UPRT: variants seen among roughly 807,000 people sequenced by gnomAD.
UPRT encodes uracil phosphoribosyltransferase homolog, also known as RP11-311P8.3.
UPRT carries 5 observed loss-of-function variants against 22.6 expected under a neutral mutation model. The ratio of observed to expected loss-of-function variants is 0.22; its 90% CI spans 0.12 to 0.47. The LOEUF (loss-of-function observed/expected upper bound fraction) is 0.47, where lower values mean the gene tolerates loss of function less well. UPRT is among the 20% of genes least tolerant of loss of function. The pLI, the probability that UPRT is intolerant of heterozygous loss-of-function variation, is 0.99. For missense variants in UPRT, 181 were observed against 239.9 expected, an observed-to-expected ratio of 0.75 and a Z score of 1.62; for synonymous variants, 77 against 87.7, an observed-to-expected ratio of 0.88 and a Z score of 0.68.
intron 4 of UPRT, among the ~76,000 whole-genome samples, chrX:75,225,236 G>A (rs942796669): frequency 9.1e-6 from 1 of 109,294 alleles, no homozygotes; most frequent in South Asian, 4.1e-4. Flanking sequence ...GAAGGCTGAT[G>A]TAGAAGGATT....
chrX:75,264,489 G>C (rs1483326041), intron 4 of UPRT, among the ~76,000 whole-genome samples: 1 of 111,150 alleles, frequency 9.0e-6, no homozygotes, highest in African/African-American at 3.3e-5. Context: ...GGCCTTCTTT[G>C]TCTCTTTTGA....
At chrX:75,194,960 T>TGATTG in intron 4 of UPRT, among the ~76,000 whole-genome samples, 1 of 109,824 alleles carries the variant, frequency 9.1e-6, no homozygotes, top group South Asian at 4.0e-4. Context: ...CTGATGGCAA[T>TGATTG]GGCAGCATGG....
At chrX:75,182,074 A>G (rs984848970) in intron 4 of UPRT, among the ~76,000 whole-genome samples, 57 of 112,105 alleles carry the variant, frequency 5.1e-4, no homozygotes, top group African/African-American at 1.8e-3. Flanking sequence ...GAATTTTATC[A>G]AAAAGGCTTT....
At chrX:75,213,535 G>C (rs576626695) in intron 4 of UPRT, among the ~76,000 whole-genome samples, 1 of 111,784 alleles carries the variant, frequency 8.9e-6, no homozygotes, top group African/African-American at 3.3e-5. Context: ...GACAGAAATT[G>C]TCAGAGGGAG....
intron 4 of UPRT, among the ~76,000 whole-genome samples, chrX:75,220,512 T>A (rs1376457020): frequency 9.0e-6 from 1 of 111,215 alleles, no homozygotes; most frequent in Non-Finnish European, 1.9e-5. Flanking sequence ...ATCCTTTTAG[T>A]GGGGGTGATT....
intron 4 of UPRT, among the ~76,000 whole-genome samples, chrX:75,259,645 G>A (rs1477803821): frequency 1.8e-5 from 2 of 111,034 alleles, no homozygotes; most frequent in Middle Eastern, 4.6e-3. Flanking sequence ...TGGTGTACCT[G>A]AAAGTGATGG....
intron 4 of UPRT, among the ~76,000 whole-genome samples, chrX:75,206,807 G>A (rs188786243): frequency 0.01 from 1,116 of 111,142 alleles, 14 homozygotes; most frequent in African/African-American, 0.034. Flanking sequence ...TGGGACTACA[G>A]GTGCCCACCA....
chrX:75,276,534 A>G (rs1209788893), intron 1 of UPRT, among the ~76,000 whole-genome samples: 1 of 111,524 alleles, frequency 9.0e-6, no homozygotes, highest in Non-Finnish European at 1.9e-5. Flanking sequence ...GGGGCAGCCA[A>G]AATAAATCTT....
Position 75,179,499 on chromosome X carries a change from C to T in UPRT, c.-447+11620C>T, listed in dbSNP as rs775411899. Among the ~76,000 whole-genome samples the T allele has an allele frequency of 3.6e-4, 41 of 113,564 alleles. No individual in the cohort carries two copies. The South Asian group carries it at 0.01, about 29-fold the overall frequency. On this transcript the variant is annotated intron_variant, in intron 4 of 13. Coordinates refer to the UPRT transcript ENST00000652605. ...GGCTGCAGGAGCTGCCTGCCAGTCT[C>T]GCGCCATGCGCTCGCACTCCTCAGC...
chrX:75,235,092 G>A (rs2082456246), intron 4 of UPRT, among the ~76,000 whole-genome samples: 1 of 111,556 alleles, frequency 9.0e-6, no homozygotes, highest in African/African-American at 3.3e-5. Context: ...CAAAAAAAAT[G>A]ATAAAGGATA....
intron 4 of UPRT, among the ~76,000 whole-genome samples, chrX:75,299,469 C>T (rs901803215): frequency 3.6e-5 from 4 of 111,853 alleles, no homozygotes; most frequent in African/African-American, 1.3e-4. Flanking sequence ...CCTATAATCA[C>T]GGAAGCATGA....
At chrX:75,182,793 A>T (rs2088353) in intron 4 of UPRT, among the ~76,000 whole-genome samples, 1 of 109,446 alleles carries the variant, frequency 9.1e-6, no homozygotes, top group African/African-American at 3.3e-5. Flanking sequence ...TTCAAATAAC[A>T]AGCTCCTGGA....
intron 3 of UPRT, among the ~76,000 whole-genome samples, chrX:75,165,477 G>T (rs1423423161): frequency 9.0e-6 from 1 of 111,520 alleles, no homozygotes; most frequent in African/African-American, 3.3e-5. Flanking sequence ...TTGGGGACTG[G>T]AAGAGTCATT....
chrX:75,163,385 T>A (rs2082205207), intron 3 of UPRT, among the ~76,000 whole-genome samples: 1 of 112,136 alleles, frequency 8.9e-6, no homozygotes, highest in Non-Finnish European at 1.9e-5. Flanking sequence ...TAAAGTCAAC[T>A]GATTCAGTGC....
intron 4 of UPRT, among the ~76,000 whole-genome samples, chrX:75,253,049 G>A (rs1451941171): frequency 9.0e-6 from 1 of 110,822 alleles, no homozygotes; most frequent in East Asian, 2.8e-4. Context: ...TTGTGGGGTT[G>A]GAGGAGGGGG....
intron 4 of UPRT, among the ~76,000 whole-genome samples, chrX:75,177,863 G>T (rs779881295): frequency 7.1e-5 from 8 of 112,320 alleles, no homozygotes; most frequent in African/African-American, 2.6e-4. Context: ...TCTTATAGGA[G>T]AAACTAGAAA....
At chrX:75,209,142 A>C (rs2147627020) in intron 4 of UPRT, among the ~76,000 whole-genome samples, 1 of 111,314 alleles carries the variant, frequency 9.0e-6, no homozygotes, top group African/African-American at 3.3e-5. Context: ...TTCCCATAAT[A>C]GAGATAGAAG....
At position 75,246,239 on chromosome X, in the gene UPRT, A is replaced by T. The variant is rs1483668256; in HGVS notation, c.-446-44785A>T. Among the ~76,000 whole-genome samples, 5 of 97,256 alleles carry T rather than the reference A, an allele frequency of 5.1e-5. No individual in the cohort carries two copies. The East Asian group carries it at 1.1e-3, about 21-fold the overall frequency. The allele number at this position is 97,256 out of a possible 115,157, so 84.5% of individuals were successfully genotyped here. A position where few individuals can be genotyped will look rare whatever the true frequency, so the allele number is the denominator to read the frequency against. On this transcript the variant is annotated intron_variant, in intron 4 of 13. Coordinates refer to the UPRT transcript ENST00000652605. Reference sequence around the variant, plus strand: ...CATTTACATTAGGTATATCTCCTAAAGCTATCCCTCCCCCCTCCCCCCACC... The same window carrying T: ...CATTTACATTAGGTATATCTCCTAATGCTATCCCTCCCCCCTCCCCCCACC...
At chrX:75,242,476 A>T (rs1388234700) in intron 4 of UPRT, among the ~76,000 whole-genome samples, 1 of 110,910 alleles carries the variant, frequency 9.0e-6, no homozygotes, top group African/African-American at 3.3e-5. Context: ...TCTAGTACAA[A>T]CATAAAGTGT....
Sources: gnomAD v4.1 joint callset for allele counts (sites outside exome capture counted in the v4.1 genomes callset) on GRCh38, gnomAD v4.1.1 for gene constraint, MANE v1.5 for transcripts, NCBI Gene and HGNC (gene_info 2026-07-23, HGNC 2026-07-21) for gene names.